Variants in PPM1B observed in about 807,000 individuals in gnomAD.
The protein encoded by PPM1B is protein phosphatase 1B.
PPM1B carries 22 observed loss-of-function variants against 43.0 expected under a neutral mutation model. The ratio of observed to expected loss-of-function variants is 0.51; its 90% CI spans 0.37 to 0.73. The LOEUF (loss-of-function observed/expected upper bound fraction) is 0.73. PPM1B is among the 30% of genes least tolerant of loss of function. The pLI is 0.00. For missense variants in PPM1B, 632 were observed against 584.2 expected, an observed-to-expected ratio of 1.08 and a Z score of -0.84; for synonymous variants, 217 against 197.9, an observed-to-expected ratio of 1.10 and a Z score of -0.81.
At position 44,201,313 on chromosome 2, in the gene PPM1B, T is replaced by C. The variant is rs909821961; in HGVS notation, c.114T>C (p.Asp38=). The C allele has an allele frequency of 1.2e-6, 2 of 1,614,102 alleles. No individual in the cohort carries two copies. Among genetic ancestry groups the C allele is most frequent in the African/African-American group, 2.7e-5 (2 of 74,940 alleles). Residue 38 remains aspartate (D), a synonymous_variant, in exon 2 of 6, where the codon GAT becomes GAC. Coordinates refer to ENST00000282412, the MANE Select transcript of PPM1B (RefSeq NM_002706.6). The surrounding 1 kb of genome is among the most constrained non-coding windows in gnomAD (Gnocchi z 5.4). ...AAGGATGGAGAGTGGAAATGGAAGATGCACACACAGCTGTTGTAGGTATTC... is the reference window on the plus strand; with the variant it reads ...AAGGATGGAGAGTGGAAATGGAAGACGCACACACAGCTGTTGTAGGTATTC... ...SMQGWRVEME[D]AHTAVVGIPH... is the part of the protein sequence containing the mutation.
chr2:44,183,106 T>A (rs371710345), intron 1 of PPM1B, among the ~76,000 whole-genome samples: 1 of 152,258 alleles, frequency 6.6e-6, no homozygotes, highest in East Asian at 1.9e-4. Flanking sequence ...TTCAGAAGCC[T>A]GTTTTCCTTT....
downstream of PPM1B, chr2:44,233,863 A>C: frequency 1.0e-6 from 1 of 985,552 alleles, no homozygotes; most frequent in Non-Finnish European, 1.2e-6. Context: ...GATGATGTGA[A>C]AAGCTGTTTG....
At chr2:44,215,250 T>G (rs184649960) in intron 3 of PPM1B, among the ~76,000 whole-genome samples, 2 of 152,294 alleles carry the variant, frequency 1.3e-5, no homozygotes, top group Admixed American at 1.3e-4. Flanking sequence ...GAAGGATTGC[T>G]TGAGACTAGG....
chr2:44,200,956 C>G lies in PPM1B; in HGVS notation c.-14-230C>G, dbSNP rs116257369. 3.8e-3 allele frequency among the ~76,000 whole-genome samples: 575 copies of G among 152,266 alleles called. 3 individuals are homozygous for G. Among genetic ancestry groups the G allele is most frequent in the African/African-American group, 0.013 (555 of 41,544 alleles). On this transcript the variant is annotated intron_variant, in intron 1 of 5. Coordinates refer to ENST00000282412, the MANE Select transcript of PPM1B (RefSeq NM_002706.6). Reference sequence around the variant, plus strand: ...AAAAGATGATATCTGTGTCCCATCCCTAGGGATTCTGATTTAATTGGTCTG... The same window carrying G: ...AAAAGATGATATCTGTGTCCCATCCGTAGGGATTCTGATTTAATTGGTCTG...
At position 44,230,509 on chromosome 2, in the gene PPM1B, C is replaced by T; in HGVS notation, c.1231C>T (p.Leu411=). 1.2e-6 allele frequency: 2 copies of T among 1,614,138 alleles called. No homozygotes were observed. Among genetic ancestry groups the T allele is most frequent in the Non-Finnish European group, 1.7e-6 (2 of 1,180,018 alleles). ...TCATAGGGGAAACTACCGACAACTT[C>T]TGGAGGAGATGCTGACTAGTTACAG... The part of the protein sequence containing the change: ...INHRGNYRQL[L]EEMLTSYRLA... The change falls in exon 6 of 6, where the codon CTG becomes TTG. Residue 411 remains leucine (L), a synonymous_variant. Coordinates refer to ENST00000282412, the MANE Select transcript of PPM1B (RefSeq NM_002706.6).
At chr2:44,245,954 T>TA (rs1240512716), downstream of PPM1B, among the ~76,000 whole-genome samples, 1 of 152,252 alleles carries the variant, frequency 6.6e-6, no homozygotes, top group Non-Finnish European at 1.5e-5. Context: ...CTGTTTAAAT[T>TA]AGATTCTGAC....
At chr2:44,223,260 G>T (rs993624270) in intron 5 of PPM1B, among the ~76,000 whole-genome samples, 10 of 152,032 alleles carry the variant, frequency 6.6e-5, no homozygotes, top group Non-Finnish European at 1.3e-4. Flanking sequence ...ACGGTTTAAG[G>T]CATTTTGATC....
downstream of PPM1B, among the ~76,000 whole-genome samples, chr2:44,234,844 A>G (rs563250896): frequency 2.6e-5 from 4 of 152,354 alleles, no homozygotes; most frequent in Admixed American, 2.6e-4. Context: ...CCATTTTATG[A>G]AAAATAATTG....
downstream of PPM1B, chr2:44,233,113 G>T: frequency 1.0e-6 from 1 of 978,932 alleles, no homozygotes; most frequent in Non-Finnish European, 1.2e-6. Context: ...GATGAGATTT[G>T]CCTTTATAAT....
At chr2:44,209,379 G>A in intron 3 of PPM1B, 52 bp downstream of exon 3, 1 of 1,585,870 alleles carries the variant, frequency 6.3e-7, no homozygotes. Flanking sequence ...GGTAGCTCAT[G>A]CCTGTAATCC....
chr2:44,242,461 C>G (rs1329506902), intron 5 of PPM1B, among the ~76,000 whole-genome samples: 1 of 152,034 alleles, frequency 6.6e-6, no homozygotes, highest in Non-Finnish European at 1.5e-5. Flanking sequence ...TTGTATTTTT[C>G]TCTAATTTTC....
At position 44,201,396 on chromosome 2, in the gene PPM1B, G is replaced by T; in HGVS notation, c.197G>T (p.Arg66Leu). Residue 66 changes from arginine (R) to leucine (L), a missense_variant, in exon 2 of 6, where the codon CGA (arginine) becomes CTA (leucine). Arg to Leu is a moderately radical substitution (Grantham distance 102, BLOSUM62 -2). This residue lies in a region of PPM1B where 200 missense variants were observed against 200.7 expected (regional missense o/e 1.00). Transcript: ENST00000282412. The surrounding 1 kb of genome is among the most constrained non-coding windows in gnomAD (Gnocchi z 5.4). ...GTTTATGATGGTCATGCTGGATCCCGAGTGGCAAATTACTGCTCAACACAT... is the reference window on the plus strand; with the variant it reads ...GTTTATGATGGTCATGCTGGATCCCTAGTGGCAAATTACTGCTCAACACAT... ...FAVYDGHAGS[R>L]VANYCSTHLL... 1.2e-6 allele frequency: 2 copies of T among 1,614,092 alleles called. No homozygotes were observed. The highest frequency in any genetic ancestry group is 1.7e-6 in the Non-Finnish European group (2 of 1,179,992).
At chr2:44,223,362 C>T (rs1437895255) in intron 5 of PPM1B, among the ~76,000 whole-genome samples, 2 of 152,160 alleles carry the variant, frequency 1.3e-5, no homozygotes, top group Non-Finnish European at 2.9e-5. Context: ...ATTTTGCATG[C>T]ATTTTTCTGT....
chr2:44,243,274 A>C (rs1233257039), intron 5 of PPM1B, among the ~76,000 whole-genome samples: 3 of 152,208 alleles, frequency 2.0e-5, no homozygotes, highest in Non-Finnish European at 4.4e-5. Context: ...TACACTTTTA[A>C]ATCAAATAGG....
chr2:44,176,553 A>G (rs1248728871), intron 1 of PPM1B, among the ~76,000 whole-genome samples: 2 of 152,072 alleles, frequency 1.3e-5, no homozygotes, highest in African/African-American at 4.8e-5. Flanking sequence ...TGCATGTGAG[A>G]TGGGCGTATT....
chr2:44,235,647 G>C (rs1021462227), downstream of PPM1B, among the ~76,000 whole-genome samples: 6 of 147,560 alleles, frequency 4.1e-5, no homozygotes, highest in African/African-American at 1.5e-4. Flanking sequence ...GAATGTGGTA[G>C]CTTATGCCTG....
chr2:44,177,199 A>C (rs986870844), intron 1 of PPM1B, among the ~76,000 whole-genome samples: 1 of 152,224 alleles, frequency 6.6e-6, no homozygotes, highest in East Asian at 1.9e-4. Flanking sequence ...CAGATTCATT[A>C]AGTTGTTCAA....
chr2:44,211,252 A>G (rs942297469), intron 3 of PPM1B, among the ~76,000 whole-genome samples: 5 of 152,250 alleles, frequency 3.3e-5, no homozygotes, highest in South Asian at 2.1e-4. Flanking sequence ...GATGCAGTCT[A>G]GAGCATGTGT....
chr2:44,216,983 G>A (rs1669750207), intron 3 of PPM1B, among the ~76,000 whole-genome samples: 1 of 152,110 alleles, frequency 6.6e-6, no homozygotes, highest in South Asian at 2.1e-4. Context: ...AAAAGAGTAT[G>A]TGAAGATCTA....
Sources: gnomAD v4.1 joint callset for allele counts (sites outside exome capture counted in the v4.1 genomes callset) on GRCh38, gnomAD v4.1.1 for gene constraint, gnomAD v4.1.1 regional missense constraint, Gnocchi (gnomAD v3.1) non-coding constraint, MANE v1.5 for transcripts, NCBI Gene and HGNC (gene_info 2026-07-23, HGNC 2026-07-21) for gene names.